Variants in PACRG observed in about 807,000 individuals in gnomAD.
PACRG encodes parkin coregulated gene protein.
Under a neutral mutation model 29.7 loss-of-function variants are expected in PACRG, and 29 were observed. The observed-to-expected ratio is 0.98, with a 90% CI of 0.73 to 1.33. The LOEUF is 1.33. Among genes scored for constraint, PACRG ranks in the 40% most tolerant of loss-of-function variants. The pLI is 0.00. For synonymous variants in PACRG, 116 were observed against 118.7 expected (o/e 0.98, Z 0.15); for missense variants, 279 against 316.2 (o/e 0.88, Z 0.89).
At chr6:163,232,551 A>C (rs1294704582) in intron 4 of PACRG, among the ~76,000 whole-genome samples, 1 of 152,156 alleles carries the variant, frequency 6.6e-6, no homozygotes, top group Non-Finnish European at 1.5e-5. Context: ...TAAGAAGCAG[A>C]GATGAGAAGG....
intron 2 of PACRG, among the ~76,000 whole-genome samples, chr6:162,974,637 C>T (rs1801795551): frequency 6.6e-6 from 1 of 152,140 alleles, no homozygotes; most frequent in South Asian, 2.1e-4. Context: ...TTTCCTGTTT[C>T]CTATTGACAT....
At chr6:163,192,296 G>T (rs971940344) in intron 4 of PACRG, among the ~76,000 whole-genome samples, 1 of 152,220 alleles carries the variant, frequency 6.6e-6, no homozygotes, top group Non-Finnish European at 1.5e-5. Context: ...CAGTTCCCTT[G>T]TTGACTGTTT....
At chr6:163,112,945 T>C (rs977482593) in intron 4 of PACRG, among the ~76,000 whole-genome samples, 3 of 152,082 alleles carry the variant, frequency 2.0e-5, no homozygotes, top group African/African-American at 7.2e-5. Flanking sequence ...AGACAAAGGC[T>C]TTAAAAACAA....
chr6:162,786,259 T>A (rs989178321), intron 1 of PACRG, among the ~76,000 whole-genome samples: 6 of 152,230 alleles, frequency 3.9e-5, no homozygotes, highest in Non-Finnish European at 5.9e-5. Flanking sequence ...CTGTGAAGAC[T>A]GACTATAATC....
At chr6:162,740,548 C>T (rs545847251) in intron 1 of PACRG, among the ~76,000 whole-genome samples, 1 of 150,208 alleles carries the variant, frequency 6.7e-6, no homozygotes, top group Non-Finnish European at 1.5e-5. Flanking sequence ...GATCTCCTGA[C>T]CTCGCGATCC....
intron 2 of PACRG, among the ~76,000 whole-genome samples, chr6:162,896,651 T>C (rs534995495): frequency 1.3e-5 from 2 of 152,368 alleles, no homozygotes; most frequent in East Asian, 3.9e-4. Flanking sequence ...TGTTCATTTA[T>C]TTTTTCATGT....
At chr6:163,064,475 G>A (rs1257085690) in intron 3 of PACRG, among the ~76,000 whole-genome samples, 1 of 152,162 alleles carries the variant, frequency 6.6e-6, no homozygotes, top group African/African-American at 2.4e-5. Flanking sequence ...ATTTATCTTG[G>A]TTGATGCCAT....
At chr6:163,113,241 A>T in intron 4 of PACRG, among the ~76,000 whole-genome samples, 1 of 152,202 alleles carries the variant, frequency 6.6e-6, no homozygotes, top group East Asian at 1.9e-4. Flanking sequence ...AAGTGGACAA[A>T]GAGTGAGGGA....
chr6:163,155,497 C>A, intron 4 of PACRG, among the ~76,000 whole-genome samples: 1 of 152,210 alleles, frequency 6.6e-6, no homozygotes, highest in African/African-American at 2.4e-5. Context: ...AGCGAGAGGC[C>A]CTATTGGCTA....
At chr6:163,149,789 G>A (rs1778000016) in intron 4 of PACRG, among the ~76,000 whole-genome samples, 1 of 152,150 alleles carries the variant, frequency 6.6e-6, no homozygotes, top group African/African-American at 2.4e-5. Flanking sequence ...CCCGGTGCAG[G>A]CCTCCCTGCC....
At chr6:162,971,520 C>T (rs897110576) in intron 2 of PACRG, among the ~76,000 whole-genome samples, 2 of 152,092 alleles carry the variant, frequency 1.3e-5, no homozygotes, top group East Asian at 3.9e-4. Context: ...AAACAAAAAC[C>T]ACTGCAGAGT....
intron 2 of PACRG, among the ~76,000 whole-genome samples, chr6:163,058,576 TA>T (rs948746044): frequency 1.1e-3 from 162 of 145,750 alleles, no homozygotes; most frequent in African/African-American, 3.0e-3. Flanking sequence ...TGATCTCTAA[TA>T]AAAAAAAAAA....
chr6:163,173,377 A>G (rs112185226), intron 4 of PACRG, among the ~76,000 whole-genome samples: 1 of 152,258 alleles, frequency 6.6e-6, no homozygotes, highest in Non-Finnish European at 1.5e-5. Flanking sequence ...ATTTCCAAAA[A>G]CAGTGGCTCC....
chr6:163,109,536 TA>T (rs1815591880), intron 4 of PACRG, among the ~76,000 whole-genome samples: 1 of 152,218 alleles, frequency 6.6e-6, no homozygotes, highest in Admixed American at 6.5e-5. Flanking sequence ...CCTTTTGAAA[TA>T]TTTCTATCTT....
chr6:162,757,685 T>G (rs1363086364), intron 1 of PACRG, among the ~76,000 whole-genome samples: 1 of 152,062 alleles, frequency 6.6e-6, no homozygotes, highest in Non-Finnish European at 1.5e-5. Flanking sequence ...CCAGCCTGGA[T>G]GGCAGAGCGA....
chr6:162,814,495 G>T (rs553648022), intron 2 of PACRG, among the ~76,000 whole-genome samples: 1 of 152,272 alleles, frequency 6.6e-6, no homozygotes, highest in Admixed American at 6.5e-5. Context: ...TGACAGAGTT[G>T]CTTTGCCTTA....
At chr6:163,037,663 C>T (rs546422911) in intron 2 of PACRG, among the ~76,000 whole-genome samples, 10 of 152,342 alleles carry the variant, frequency 6.6e-5, no homozygotes, top group Non-Finnish European at 1.2e-4. Flanking sequence ...ACTATCCTCT[C>T]GCAACATACT....
chr6:162,756,873 CT>C (rs1237617516), intron 1 of PACRG, among the ~76,000 whole-genome samples: 1 of 152,120 alleles, frequency 6.6e-6, no homozygotes, highest in Non-Finnish European at 1.5e-5. Context: ...TAAGAGGCCA[CT>C]TTAAGCTGAG....
intron 2 of PACRG, among the ~76,000 whole-genome samples, chr6:162,833,288 G>C (rs956797505): frequency 6.6e-6 from 1 of 152,028 alleles, no homozygotes; most frequent in Non-Finnish European, 1.5e-5. Flanking sequence ...TCCATATTTA[G>C]GCAATATTCC....
Sources: allele counts gnomAD v4.1 joint callset (sites outside exome capture counted in the v4.1 genomes callset), GRCh38; gene constraint gnomAD v4.1.1; transcripts MANE v1.5; gene names NCBI Gene and HGNC (gene_info 2026-07-23, HGNC 2026-07-21).